PTPRA: variants seen among roughly 807,000 people sequenced by gnomAD.
PTPRA encodes receptor-type tyrosine-protein phosphatase alpha.
In PTPRA, 25 loss-of-function variants were observed where a neutral mutation model predicts 104.8. The ratio of observed to expected loss-of-function variants is 0.24; its 90% CI spans 0.17 to 0.33. The LOEUF (loss-of-function observed/expected upper bound fraction) is 0.33. PTPRA is among the 10% of genes least tolerant of loss of function. The pLI, the probability that PTPRA is intolerant of heterozygous loss-of-function variation, is 1.00. For missense variants in PTPRA, 765 were observed against 1,015.3 expected, an observed-to-expected ratio of 0.75 and a Z score of 3.35; for synonymous variants, 323 against 368.9, an observed-to-expected ratio of 0.88 and a Z score of 1.43.
intron 10 of PTPRA, among the ~76,000 whole-genome samples, chr20:3,005,462 A>C (rs1194935241): frequency 6.6e-6 from 1 of 152,152 alleles, no homozygotes; most frequent in Non-Finnish European, 1.5e-5. Flanking sequence ...AGGTAGGAGG[A>C]TCCCTTGAGC....
intron 2 of PTPRA, among the ~76,000 whole-genome samples, chr20:2,946,366 T>C (rs898649093): frequency 1.3e-5 from 2 of 152,126 alleles, no homozygotes; most frequent in Non-Finnish European, 2.9e-5. Flanking sequence ...CTCTGTAGTT[T>C]TGGACTAGTT....
At chr20:2,864,958 C>G in the PTPRA span, 5 of 1,613,988 alleles carry the variant, frequency 3.1e-6, no homozygotes, top group African/African-American at 6.7e-5. This position sits in a 1 kb window ranked among gnomAD's most constrained non-coding sequence, Gnocchi z 5.2. Context: ...GAGTTCAGGC[C>G]TTCCTTCTTG....
In PTPRA at chr20:2,965,147, C is replaced by G; in HGVS notation, c.360C>G (p.Pro120=). ...AGTTCACGGATGCCAGAACAGAACC[C>G]TGGGAGGGGAATTCCAGCACCGCAG... The part of the protein sequence containing the change: ...DNQFTDARTE[P]WEGNSSTAAT... Residue 120 remains proline (P), a synonymous_variant, in exon 5 of 24, where the codon CCC becomes CCG. Coordinates refer to ENST00000399903, the MANE Select transcript of PTPRA (RefSeq NM_001385305.1). 1.2e-6 allele frequency: 2 copies of G among 1,614,172 alleles called. No individual in the cohort carries two copies. Among genetic ancestry groups the G allele is most frequent in the Non-Finnish European group, 1.7e-6 (2 of 1,180,032 alleles).
intron 1 of PTPRA, among the ~76,000 whole-genome samples, chr20:2,908,208 G>A (rs1235250539): frequency 2.0e-5 from 3 of 151,934 alleles, no homozygotes; most frequent in Non-Finnish European, 2.9e-5. Context: ...CCTGTGAATC[G>A]GAAATACTGT....
At chr20:2,916,559 G>A (rs1027187779) in intron 1 of PTPRA, among the ~76,000 whole-genome samples, 2 of 152,148 alleles carry the variant, frequency 1.3e-5, no homozygotes, top group Admixed American at 1.3e-4. Context: ...CTTAAGGCCA[G>A]TATTTCATCA....
chr20:3,028,212 C>T (rs1284025987), intron 20 of PTPRA, among the ~76,000 whole-genome samples: 1 of 152,112 alleles, frequency 6.6e-6, no homozygotes, highest in Non-Finnish European at 1.5e-5. Flanking sequence ...TTCCCAGTGC[C>T]CCAGGCAGGG....
At chr20:3,024,338 T>A in intron 16 of PTPRA, 134 bp from the exon 17 acceptor site, 3 of 951,894 alleles carry the variant, frequency 3.2e-6, no homozygotes, top group Non-Finnish European at 4.7e-6. Flanking sequence ...ATTGGGATAA[T>A]AAGAGGGAGT....
chr20:3,022,029 C>A lies in PTPRA; in HGVS notation c.1162-25C>A. On this transcript the variant is annotated intron_variant, in intron 14 of 23. Coordinates refer to ENST00000399903, the MANE Select transcript of PTPRA (RefSeq NM_001385305.1). This position sits in a 1 kb window ranked among gnomAD's most constrained non-coding sequence, Gnocchi z 4.6. ...GCCCACCCTTGGGTATCAGGGCCAA[C>A]ACACAGGATCTCCTCACTTCACAGG... 1 of 1,613,442 alleles carries A rather than the reference C, an allele frequency of 6.2e-7. No individual in the cohort carries two copies. The highest frequency in any genetic ancestry group is 1.1e-5 in the South Asian group (1 of 90,992).
chr20:3,032,489 C>T lies in PTPRA; in HGVS notation c.1921-3096C>T, dbSNP rs188442434. 4.1e-4 allele frequency among the ~76,000 whole-genome samples: 62 copies of T among 152,336 alleles called. No individual in the cohort carries two copies. The East Asian group carries it at 9.6e-3, about 24-fold the overall frequency. Reference sequence around the variant, plus strand: ...CTCCTTTAAAGAGTTGGCTTTCGGCCGGGCGCGGTGGCTCACGCCTGTAAT... The same window carrying T: ...CTCCTTTAAAGAGTTGGCTTTCGGCTGGGCGCGGTGGCTCACGCCTGTAAT... On this transcript the variant is annotated intron_variant, in intron 20 of 23. Coordinates refer to ENST00000399903, the MANE Select transcript of PTPRA (RefSeq NM_001385305.1).
intron 3 of PTPRA, among the ~76,000 whole-genome samples, chr20:2,956,884 G>A (rs949824916): frequency 6.6e-6 from 1 of 152,200 alleles, no homozygotes; most frequent in African/African-American, 2.4e-5. Flanking sequence ...TTGTGCATTT[G>A]TAATTCTGAT....
At chr20:2,915,393 G>C (rs1227238409) in intron 1 of PTPRA, among the ~76,000 whole-genome samples, 2 of 151,936 alleles carry the variant, frequency 1.3e-5, no homozygotes, top group Non-Finnish European at 2.9e-5. Context: ...GTGCTTGTTG[G>C]CCATTAGTAT....
intron 1 of PTPRA, among the ~76,000 whole-genome samples, chr20:2,894,437 G>T (rs1172163778): frequency 6.6e-6 from 1 of 152,168 alleles, no homozygotes; most frequent in African/African-American, 2.4e-5. Context: ...TGCCACACTG[G>T]AGTTTCCAAG....
At position 2,904,554 on chromosome 20, in the gene PTPRA, A is replaced by G. The variant is rs2059350245; in HGVS notation, c.-128-18653A>G. On this transcript the variant is annotated intron_variant, in intron 1 of 23. Coordinates refer to ENST00000399903, the MANE Select transcript of PTPRA (RefSeq NM_001385305.1). ...CATGGTAGCGGATGCCTGCGGTCCC[A>G]GCTACTCGGGAGGCTGAGCTGGAAG... is the stretch of plus-strand genomic sequence containing the variant. Among the ~76,000 whole-genome samples the G allele has an allele frequency of 2.6e-5, 4 of 151,428 alleles. No homozygotes were observed. In the Admixed American group the frequency reaches 2.6e-4, roughly 10 times the overall value.
At chr20:2,936,246 A>G (rs1225473305) in intron 2 of PTPRA, among the ~76,000 whole-genome samples, 2 of 152,178 alleles carry the variant, frequency 1.3e-5, no homozygotes, top group Non-Finnish European at 1.5e-5. Context: ...ATAATGGTGC[A>G]TATCTCAGAA....
At chr20:2,905,585 A>C (rs2059393560) in intron 1 of PTPRA, among the ~76,000 whole-genome samples, 1 of 152,018 alleles carries the variant, frequency 6.6e-6, no homozygotes, top group South Asian at 2.1e-4. Context: ...GATCTTGAAC[A>C]AATTGGATAA....
In PTPRA at chr20:2,964,259, C is replaced by A; in HGVS notation, c.-6-13C>A. 6.3e-7 allele frequency: 1 copy of A among 1,595,918 alleles called. No homozygotes were observed. The highest frequency in any genetic ancestry group is 8.6e-7 in the Non-Finnish European group (1 of 1,166,542). ...ATATAGGACCTCATCTAACATGACT[C>A]CCTATTTTCCAGATAAGCATGGATT... On this transcript the variant is annotated splice_polypyrimidine_tract_variant and intron_variant, in intron 3 of 23. Transcript: ENST00000399903.
chr20:2,910,358 T>A (rs866620492), intron 1 of PTPRA, among the ~76,000 whole-genome samples: 2 of 84,566 alleles, frequency 2.4e-5, no homozygotes, highest in African/African-American at 9.7e-5. Context: ...ATTATATATT[T>A]TATATATAAT....
At chr20:2,888,395 ACAGAAAAATAAAAGCTAGC>A (rs2090492756) in intron 1 of PTPRA, among the ~76,000 whole-genome samples, 1 of 151,966 alleles carries the variant, frequency 6.6e-6, no homozygotes, top group Admixed American at 6.6e-5. Flanking sequence ...CCCTGCTTCT[ACAGAAAAATAAAAGCTAGC>A]CAGGTGTAAT....
At chr20:2,869,592 C>G (rs372828851), upstream of PTPRA, among the ~76,000 whole-genome samples, 4 of 152,196 alleles carry the variant, frequency 2.6e-5, no homozygotes, top group South Asian at 6.2e-4. Context: ...AGGATTGGGG[C>G]TAGGAACTAG....
Sources: gnomAD v4.1 joint callset for allele counts (sites outside exome capture counted in the v4.1 genomes callset) on GRCh38, gnomAD v4.1.1 for gene constraint, Gnocchi (gnomAD v3.1) non-coding constraint, MANE v1.5 for transcripts, NCBI Gene and HGNC (gene_info 2026-07-23, HGNC 2026-07-21) for gene names.